The following IMPG1 variants were observed in gnomAD, a reference collection of about 807,000 sequenced individuals.
IMPG1 encodes interphotoreceptor matrix proteoglycan 1.
In IMPG1, 85 loss-of-function variants were observed where a neutral mutation model predicts 92.0. That is an observed-to-expected ratio of 0.92 (90% CI 0.78 to 1.11). IMPG1 has a LOEUF of 1.11. Among genes scored for constraint, IMPG1 ranks in the 50% least tolerant of loss-of-function variants. IMPG1 has a pLI of 0.00. For missense variants in IMPG1, 1,022 were observed against 956.0 expected, an observed-to-expected ratio of 1.07 and a Z score of -0.91; for synonymous variants, 367 against 334.1, an observed-to-expected ratio of 1.10 and a Z score of -1.08.
intron 1 of IMPG1, among the ~76,000 whole-genome samples, chr6:76,047,944 A>T (rs1783973910): frequency 6.6e-6 from 1 of 152,190 alleles, no homozygotes; most frequent in Non-Finnish European, 1.5e-5. Flanking sequence ...ACACCAAAAG[A>T]CCAGAAAAGA....
At chr6:75,978,242 C>T (rs973787241) in intron 12 of IMPG1, among the ~76,000 whole-genome samples, 1 of 150,820 alleles carries the variant, frequency 6.6e-6, no homozygotes, top group Non-Finnish European at 1.5e-5. Flanking sequence ...TTGGTTCTCC[C>T]TCTTCTGCTT....
intron 6 of IMPG1, among the ~76,000 whole-genome samples, chr6:76,020,409 A>T (rs1352092192): frequency 1.3e-5 from 2 of 152,188 alleles, no homozygotes; most frequent in Non-Finnish European, 2.9e-5. Flanking sequence ...AACTGGAACC[A>T]TGTGGCCTAA....
intron 15 of IMPG1, among the ~76,000 whole-genome samples, chr6:75,925,897 C>T (rs184213538): frequency 2.2e-4 from 33 of 152,266 alleles, no homozygotes; most frequent in Admixed American, 1.4e-3. Context: ...AACTCCTGAC[C>T]TCAGGTGATC....
intron 12 of IMPG1, among the ~76,000 whole-genome samples, chr6:75,957,172 CT>C (rs935642010): frequency 6.6e-6 from 1 of 152,182 alleles, no homozygotes; most frequent in African/African-American, 2.4e-5. Flanking sequence ...CTCGCCTCGG[CT>C]TCCCAAAGTG....
intron 13 of IMPG1, among the ~76,000 whole-genome samples, chr6:75,950,020 T>A (rs1781997579): frequency 6.6e-6 from 1 of 152,172 alleles, no homozygotes; most frequent in African/African-American, 2.4e-5. Context: ...GAGTATCTTA[T>A]TATCAAAGAT....
chr6:75,959,969 T>G (rs1782189794), intron 12 of IMPG1, among the ~76,000 whole-genome samples: 1 of 152,190 alleles, frequency 6.6e-6, no homozygotes, highest in Non-Finnish European at 1.5e-5. Context: ...CCCAGTTTTG[T>G]GCTTGAAACC....
At chr6:75,930,806 A>G (rs1023102308) in intron 15 of IMPG1, 147 bp downstream of exon 15, 15 of 705,288 alleles carry the variant, frequency 2.1e-5, no homozygotes, top group Non-Finnish European at 3.3e-5. Context: ...TGTTGTTTTA[A>G]CAGGCCCTTT....
chr6:75,964,554 G>T (rs1782270138), intron 12 of IMPG1, among the ~76,000 whole-genome samples: 1 of 151,602 alleles, frequency 6.6e-6, no homozygotes, highest in South Asian at 2.1e-4. Flanking sequence ...GCGGGCGCCT[G>T]TAATCCCAGC....
In IMPG1 at chr6:75,951,077, G is replaced by T. The variant is rs774321893; in HGVS notation, c.1309C>A (p.Pro437Thr). 6.2e-7 allele frequency: 1 copy of T among 1,609,896 alleles called. No individual in the cohort carries two copies. ...GACAGGGAGGTAGAGGCCATAGCAG[G>T]TGGAGACCAAGAAGTGTCTGTGGAG... ...HGLPDTSWSP[P>T]AMASTSLSEA... Residue 437 changes from proline to threonine, a missense_variant, in exon 13 of 17, where the codon CCT becomes ACT. Physicochemically the swap from Pro to Thr is conservative, Grantham distance 38. Coordinates refer to ENST00000369950, the MANE Select transcript of IMPG1 (RefSeq NM_001563.4).
At chr6:76,035,661 A>G (rs1489242280) in intron 2 of IMPG1, among the ~76,000 whole-genome samples, 2 of 152,186 alleles carry the variant, frequency 1.3e-5, no homozygotes, top group Admixed American at 6.6e-5. Context: ...AAGAGAATCA[A>G]TTTCCAGGTG....
intron 12 of IMPG1, among the ~76,000 whole-genome samples, chr6:75,964,015 T>C (rs761676628): frequency 3.9e-5 from 6 of 151,950 alleles, no homozygotes; most frequent in African/African-American, 7.3e-5. Flanking sequence ...AGCAAAAACT[T>C]GGGAGGAAAG....
At chr6:76,025,138 C>G in intron 5 of IMPG1, 56 bp downstream of exon 5, 1 of 948,298 alleles carries the variant, frequency 1.1e-6, no homozygotes, top group South Asian at 1.4e-5. Flanking sequence ...AAATAACATG[C>G]TATCATGATG....
At chr6:75,925,886 G>T (rs1230915130) in intron 15 of IMPG1, among the ~76,000 whole-genome samples, 1 of 151,736 alleles carries the variant, frequency 6.6e-6, no homozygotes, top group East Asian at 2.0e-4. Context: ...GGATGGTCTC[G>T]AACTCCTGAC....
intron 12 of IMPG1, among the ~76,000 whole-genome samples, chr6:75,963,497 A>G (rs1782243794): frequency 2.0e-5 from 3 of 152,360 alleles, no homozygotes; most frequent in South Asian, 2.1e-4. Flanking sequence ...CGCAGTTATA[A>G]GAAATAATAC....
intron 14 of IMPG1, among the ~76,000 whole-genome samples, chr6:75,943,124 G>A (rs1200510191): frequency 1.3e-5 from 2 of 152,112 alleles, no homozygotes; most frequent in Non-Finnish European, 2.9e-5. Flanking sequence ...AGTGAGGGTG[G>A]TGTTTGTGAA....
intron 10 of IMPG1, among the ~76,000 whole-genome samples, chr6:76,004,361 A>G (rs913661258): frequency 6.6e-6 from 1 of 152,208 alleles, no homozygotes; most frequent in Non-Finnish European, 1.5e-5. Context: ...GATTCTCAGA[A>G]TGACACAGAG....
intron 9 of IMPG1, among the ~76,000 whole-genome samples, chr6:76,006,922 G>C (rs765249402): frequency 6.6e-6 from 1 of 152,070 alleles, no homozygotes; most frequent in Non-Finnish European, 1.5e-5. Context: ...AACTGATCAC[G>C]TGTATTCTTG....
rs137917399 is a variant in IMPG1 at position 75,925,890 on chromosome 6, T to A, written c.2244-2184A>T. ...CATGTTGGCCAGGATGGTCTCGAAC[T>A]CCTGACCTCAGGTGATCACCCACCT... On this transcript the variant is annotated intron_variant, in intron 15 of 16. Transcript: ENST00000369950. 6.9e-3 allele frequency among the ~76,000 whole-genome samples: 1,053 copies of A among 152,288 alleles called. 12 individuals are homozygous for A. The highest frequency in any genetic ancestry group is 0.024 in the African/African-American group (998 of 41,566).
intron 14 of IMPG1, among the ~76,000 whole-genome samples, chr6:75,936,613 C>T (rs1438230710): frequency 6.6e-6 from 1 of 152,234 alleles, no homozygotes; most frequent in Admixed American, 6.5e-5. Flanking sequence ...AGCACCACCA[C>T]AGCTGACTCT....
Sources: allele counts gnomAD v4.1 joint callset (sites outside exome capture counted in the v4.1 genomes callset), GRCh38; gene constraint gnomAD v4.1.1; transcripts MANE v1.5; gene names NCBI Gene and HGNC (gene_info 2026-07-23, HGNC 2026-07-21).